The following GABBR2 variants were observed in gnomAD, a reference collection of about 807,000 sequenced individuals.
GABBR2 encodes G-protein coupled receptor 51.
A neutral mutation model predicts 105.6 loss-of-function variants in GABBR2; 23 were observed. The ratio of observed to expected loss-of-function variants is 0.22; its 90% confidence interval spans 0.16 to 0.31. GABBR2 has a LOEUF of 0.31. GABBR2 is among the 10% of genes least tolerant of loss of function. The pLI is 1.00. For synonymous variants in GABBR2, 478 were observed against 499.7 expected (o/e 0.96, Z 0.58); for missense variants, 734 against 1,245.5 (o/e 0.59, Z 6.18).
At chr9:98,310,637 AC>A (rs1468403343) in intron 14 of GABBR2, among the ~76,000 whole-genome samples, 2 of 151,944 alleles carry the variant, frequency 1.3e-5, no homozygotes, top group African/African-American at 4.8e-5. Flanking sequence ...AAATCATTTA[AC>A]CTCTCTGAGG....
intron 4 of GABBR2, among the ~76,000 whole-genome samples, chr9:98,489,715 A>G (rs2131661203): frequency 6.6e-6 from 1 of 151,686 alleles, no homozygotes; most frequent in East Asian, 1.9e-4. Context: ...CGACCATCAC[A>G]CAATTGGGAT....
At chr9:98,674,862 T>C (rs560926552) in intron 1 of GABBR2, among the ~76,000 whole-genome samples, 30 of 152,198 alleles carry the variant, frequency 2.0e-4, no homozygotes, top group Middle Eastern at 3.4e-3. Context: ...CACAGGGGCA[T>C]TGTGGAGGGG....
At chr9:98,402,228 A>G (rs1832406956) in intron 8 of GABBR2, among the ~76,000 whole-genome samples, 2 of 152,216 alleles carry the variant, frequency 1.3e-5, no homozygotes, top group South Asian at 2.1e-4. Context: ...CTCTAAGAAC[A>G]GCATAAACAA....
At chr9:98,510,942 C>T (rs2131696100) in intron 3 of GABBR2, among the ~76,000 whole-genome samples, 1 of 152,226 alleles carries the variant, frequency 6.6e-6, no homozygotes, top group South Asian at 2.1e-4. Context: ...CCCAAATCAA[C>T]AGAATATACA....
At chr9:98,537,333 GA>G (rs1434591432) in intron 3 of GABBR2, among the ~76,000 whole-genome samples, 1 of 152,196 alleles carries the variant, frequency 6.6e-6, no homozygotes, top group Non-Finnish European at 1.5e-5. Flanking sequence ...GAAATTTCCA[GA>G]AAAGGTAAAA....
intron 1 of GABBR2, among the ~76,000 whole-genome samples, chr9:98,653,970 G>A (rs1278506321): frequency 6.6e-6 from 1 of 152,164 alleles, no homozygotes; most frequent in African/African-American, 2.4e-5. Flanking sequence ...AAGAAACTGA[G>A]GTTTGGAGAG....
intron 13 of GABBR2, among the ~76,000 whole-genome samples, chr9:98,336,705 A>C (rs1831122159): frequency 1.3e-5 from 2 of 152,324 alleles, no homozygotes; most frequent in South Asian, 4.1e-4. Flanking sequence ...CTCTGTCTCA[A>C]AAACAAAAAA....
intron 3 of GABBR2, among the ~76,000 whole-genome samples, chr9:98,527,053 C>T (rs867184630): frequency 1.4e-4 from 21 of 147,714 alleles, no homozygotes; most frequent in East Asian, 5.9e-4. Flanking sequence ...GCAATATTAA[C>T]GACAATAACA....
chr9:98,324,238 G>A (rs1830878096), intron 13 of GABBR2, among the ~76,000 whole-genome samples: 1 of 152,200 alleles, frequency 6.6e-6, no homozygotes, highest in Non-Finnish European at 1.5e-5. Flanking sequence ...TGAACTTCAA[G>A]TGTTCCTTCT....
At chr9:98,532,243 G>T (rs1290631883) in intron 3 of GABBR2, among the ~76,000 whole-genome samples, 1 of 152,168 alleles carries the variant, frequency 6.6e-6, no homozygotes, top group Non-Finnish European at 1.5e-5. Context: ...AACCACCAAG[G>T]TCTGGACAGG....
At chr9:98,299,885 C>T (rs929936207) in intron 16 of GABBR2, among the ~76,000 whole-genome samples, 2 of 152,232 alleles carry the variant, frequency 1.3e-5, no homozygotes, top group Non-Finnish European at 2.9e-5. Flanking sequence ...ACTATTATTA[C>T]AGGGTCTCAC....
chr9:98,459,528 C>T (rs1332111065), intron 6 of GABBR2, among the ~76,000 whole-genome samples: 1 of 152,188 alleles, frequency 6.6e-6, no homozygotes, highest in Non-Finnish European at 1.5e-5. Context: ...GGTAGCAAGA[C>T]TTGCATGGCC....
chr9:98,492,578 T>C (rs771737354), intron 4 of GABBR2, among the ~76,000 whole-genome samples: 1 of 152,262 alleles, frequency 6.6e-6, no homozygotes, highest in Non-Finnish European at 1.5e-5. Context: ...CCTTTTTCTA[T>C]TCCTGGATCC....
chr9:98,648,307 T>C (rs557563863), intron 1 of GABBR2, among the ~76,000 whole-genome samples: 1 of 151,774 alleles, frequency 6.6e-6, no homozygotes, highest in Non-Finnish European at 1.5e-5. Flanking sequence ...AATTTTTGTA[T>C]TTTTTAGTAG....
intron 7 of GABBR2, among the ~76,000 whole-genome samples, chr9:98,452,520 A>G (rs1029793645): frequency 2.6e-5 from 4 of 152,238 alleles, no homozygotes; most frequent in African/African-American, 9.6e-5. Flanking sequence ...CATGGGAATA[A>G]TAAGAGCACC....
chr9:98,515,673 T>C (rs546627288), intron 3 of GABBR2, among the ~76,000 whole-genome samples: 77 of 151,994 alleles, frequency 5.1e-4, no homozygotes, highest in African/African-American at 1.7e-3. Flanking sequence ...AGCCCACCTC[T>C]CCTCCTTCCC....
intron 9 of GABBR2, among the ~76,000 whole-genome samples, chr9:98,392,437 T>C (rs76233365): frequency 0.066 from 9,997 of 152,300 alleles, 423 homozygotes; most frequent in Non-Finnish European, 0.092. Context: ...ATCTGGGGTG[T>C]CACCCTTGAG....
At chr9:98,467,831 G>T (rs1451660064) in intron 6 of GABBR2, among the ~76,000 whole-genome samples, 1 of 152,250 alleles carries the variant, frequency 6.6e-6, no homozygotes, top group African/African-American at 2.4e-5. Flanking sequence ...GCCCAGCACT[G>T]AGCCTCAGCA....
At chr9:98,396,045 T>C (rs1564050157) in intron 8 of GABBR2, among the ~76,000 whole-genome samples, 1 of 152,120 alleles carries the variant, frequency 6.6e-6, no homozygotes, top group East Asian at 1.9e-4. Flanking sequence ...CCAGTGGTAA[T>C]AAGAATAGAG....
Sources: gnomAD v4.1 joint callset for allele counts (sites outside exome capture counted in the v4.1 genomes callset) on GRCh38, gnomAD v4.1.1 for gene constraint, MANE v1.5 for transcripts, NCBI Gene and HGNC (gene_info 2026-07-23, HGNC 2026-07-21) for gene names.